Variants in ZBTB20 observed in about 807,000 individuals in gnomAD.
ZBTB20 encodes zinc finger and BTB domain-containing protein 20.
Under a neutral mutation model 56.9 loss-of-function variants are expected in ZBTB20, and 9 were observed. The ratio of observed to expected loss-of-function variants is 0.16; its 90% confidence interval spans 0.10 to 0.28. The LOEUF (loss-of-function observed/expected upper bound fraction) is 0.28, where lower values mean the gene tolerates loss of function less well. ZBTB20 is among the 10% of genes least tolerant of loss of function. The probability of loss-of-function intolerance (pLI) is 1.00; values close to 1 mark genes in which losing one functional copy is unlikely to be tolerated. For missense variants in ZBTB20, 655 were observed against 1,003.0 expected, an observed-to-expected ratio of 0.65 and a Z score of 4.69; for synonymous variants, 417 against 420.7, an observed-to-expected ratio of 0.99 and a Z score of 0.11.
intron 6 of ZBTB20, among the ~76,000 whole-genome samples, chr3:114,553,891 A>G (rs1213840316): frequency 1.3e-5 from 2 of 152,210 alleles, no homozygotes; most frequent in African/African-American, 4.8e-5. Context: ...TTATAATAGC[A>G]CATTTAAAGT....
intron 6 of ZBTB20, among the ~76,000 whole-genome samples, chr3:114,517,582 C>CTT (rs571878509): frequency 1.5e-4 from 22 of 142,326 alleles, no homozygotes; most frequent in African/African-American, 5.2e-4. Flanking sequence ...ACACATATTT[C>CTT]TTTTTTTTTT....
chr3:115,045,236 A>G (rs1255782633), intron 2 of ZBTB20, among the ~76,000 whole-genome samples: 3 of 152,154 alleles, frequency 2.0e-5, no homozygotes, highest in Non-Finnish European at 4.4e-5. Flanking sequence ...ATTTCTCTAT[A>G]TCTAATGCCA....
chr3:114,465,472 C>T (rs1293295502), intron 7 of ZBTB20, among the ~76,000 whole-genome samples: 1 of 151,948 alleles, frequency 6.6e-6, no homozygotes, highest in Non-Finnish European at 1.5e-5. Context: ...TTTGGGAGGC[C>T]GAGGCGGGTG....
chr3:114,907,903 C>T (rs1056809925), intron 3 of ZBTB20, among the ~76,000 whole-genome samples: 7 of 151,562 alleles, frequency 4.6e-5, no homozygotes, highest in Non-Finnish European at 5.9e-5. Flanking sequence ...CAATTATCTG[C>T]GCTAAGGAAT....
At chr3:114,945,262 A>G (rs538308330) in intron 3 of ZBTB20, among the ~76,000 whole-genome samples, 1 of 145,896 alleles carries the variant, frequency 6.9e-6, no homozygotes, top group Admixed American at 6.6e-5. Flanking sequence ...CGAAAGATTC[A>G]TACTATAAAG....
At position 114,858,245 on chromosome 3, in the gene ZBTB20, T is replaced by C. The variant is rs529358067; in HGVS notation, c.-417+42059A>G. ...AACGCAGTTATATCCCTAAAAACGA[T>C]TGCAGGGAACAAGCTCCCACAGACA... On this transcript the variant is annotated intron_variant, in intron 4 of 11. Coordinates refer to ENST00000675478, the MANE Select transcript of ZBTB20 (RefSeq NM_001348800.3). Among the ~76,000 whole-genome samples, 97 of 152,274 alleles carry C rather than the reference T, an allele frequency of 6.4e-4. 2 individuals are homozygous for C. The highest frequency in any genetic ancestry group is 2.1e-3 in the African/African-American group (88 of 41,560).
intron 7 of ZBTB20, among the ~76,000 whole-genome samples, chr3:114,486,148 G>A (rs1165920428): frequency 5.4e-5 from 5 of 92,082 alleles, no homozygotes; most frequent in African/African-American, 1.9e-4. Context: ...GGGGGGGGGG[G>A]GCGGTGTATG....
intron 7 of ZBTB20, among the ~76,000 whole-genome samples, chr3:114,413,532 T>C (rs770183530): frequency 6.6e-6 from 1 of 152,136 alleles, no homozygotes; most frequent in Non-Finnish European, 1.5e-5. Context: ...ATATAACAGT[T>C]TCCTGTCCCT....
Position 114,350,989 on chromosome 3 carries a change from G to A in ZBTB20, c.1089C>T (p.Ala363=). 1 of 1,609,356 alleles carries A rather than the reference G, an allele frequency of 6.2e-7. No homozygotes were observed. The highest frequency in any genetic ancestry group is 1.1e-5 in the South Asian group (1 of 91,028). Residue 363 remains alanine (A), a synonymous_variant, in exon 11 of 12, where the codon GCC becomes GCT. Coordinates refer to ENST00000675478, the MANE Select transcript of ZBTB20 (RefSeq NM_001348800.3). ...CTTTGGGCTCACTCTCGGTGCCCTC[G>A]GCCTGGTCTGTGTCTTCCGTGCACT... ...SEECTEDTDQ[A]EGTESEPKGE... is the part of the protein sequence containing the mutation.
At chr3:114,805,950 C>T (rs573796283) in intron 4 of ZBTB20, among the ~76,000 whole-genome samples, 3 of 151,782 alleles carry the variant, frequency 2.0e-5, no homozygotes, top group Non-Finnish European at 4.4e-5. Context: ...CTGATGAATA[C>T]TATTCCACTG....
chr3:114,532,150 C>T (rs933009771), intron 6 of ZBTB20, among the ~76,000 whole-genome samples: 1 of 152,158 alleles, frequency 6.6e-6, no homozygotes, highest in African/African-American at 2.4e-5. Flanking sequence ...CACTCACTAC[C>T]CTGGAATGGG....
intron 3 of ZBTB20, among the ~76,000 whole-genome samples, chr3:114,927,786 CCTCT>C (rs2076211456): frequency 1.3e-5 from 2 of 152,096 alleles, no homozygotes; most frequent in South Asian, 4.1e-4. Context: ...ATAGTCCATA[CCTCT>C]CTATTTTATA....
At chr3:114,994,346 A>G (rs1256381061) in intron 2 of ZBTB20, among the ~76,000 whole-genome samples, 1 of 151,908 alleles carries the variant, frequency 6.6e-6, no homozygotes, top group Non-Finnish European at 1.5e-5. Context: ...TAACAGTTGA[A>G]TCCTGCCAAG....
intron 5 of ZBTB20, among the ~76,000 whole-genome samples, chr3:114,739,169 G>T (rs971149604): frequency 3.9e-5 from 6 of 152,090 alleles, no homozygotes; most frequent in African/African-American, 1.4e-4. Context: ...AAAATCACAG[G>T]CTCACCCAAG....
At chr3:114,857,146 C>T (rs1284272290) in intron 4 of ZBTB20, among the ~76,000 whole-genome samples, 1 of 152,158 alleles carries the variant, frequency 6.6e-6, no homozygotes, top group Non-Finnish European at 1.5e-5. Flanking sequence ...ACCTCTACTC[C>T]TACCCCATCC....
chr3:114,968,834 AC>A (rs1415003363), intron 3 of ZBTB20, among the ~76,000 whole-genome samples: 1 of 152,236 alleles, frequency 6.6e-6, no homozygotes. Flanking sequence ...AGCCAGGTTT[AC>A]AAAACTGTTT....
intron 7 of ZBTB20, among the ~76,000 whole-genome samples, chr3:114,413,393 C>T (rs2088183360): frequency 6.6e-6 from 1 of 152,126 alleles, no homozygotes; most frequent in Non-Finnish European, 1.5e-5. Context: ...AGGTCGATGA[C>T]ATAAATAGTA....
chr3:114,351,753 G>T lies in ZBTB20; in HGVS notation c.325C>A (p.Arg109Ser). 6.2e-7 allele frequency: 1 copy of T among 1,614,014 alleles called. No individual in the cohort carries two copies. The highest frequency in any genetic ancestry group is 8.5e-7 in the Non-Finnish European group (1 of 1,179,964). ...GCGCGCAGCATGCTCCCGTGGATGCGCACCGTTACGTCACAGAAGTGGCCA... is the reference window on the plus strand; with the variant it reads ...GCGCGCAGCATGCTCCCGTGGATGCTCACCGTTACGTCACAGAAGTGGCCA... ...NRGHFCDVTV[R>S]IHGSMLRAHR... is the part of the protein sequence containing the mutation. Residue 109 changes from arginine (R) to serine (S), a missense_variant, in exon 11 of 12, where the codon CGC becomes AGC. This residue lies in a region of ZBTB20 where 57 missense variants were observed against 99.1 expected (regional missense o/e 0.58). Transcript: ENST00000675478.
intron 5 of ZBTB20, among the ~76,000 whole-genome samples, chr3:114,700,917 T>C (rs775345540): frequency 2.0e-5 from 3 of 152,164 alleles, no homozygotes; most frequent in Admixed American, 2.0e-4. Flanking sequence ...CAGCCCCAAG[T>C]ATCTTAGAGT....
Sources: gnomAD v4.1 joint callset for allele counts (sites outside exome capture counted in the v4.1 genomes callset) on GRCh38, gnomAD v4.1.1 for gene constraint, gnomAD v4.1.1 regional missense constraint, MANE v1.5 for transcripts, NCBI Gene and HGNC (gene_info 2026-07-23, HGNC 2026-07-21) for gene names.